The following EXOC4 variants were observed in gnomAD, a reference collection of about 807,000 sequenced individuals.
EXOC4 encodes the protein SEC8-like 1.
In EXOC4, 71 loss-of-function variants were observed where a neutral mutation model predicts 107.2. The ratio of observed to expected loss-of-function variants is 0.66; its 90% confidence interval spans 0.55 to 0.81. The LOEUF (loss-of-function observed/expected upper bound fraction) is 0.81, where lower values mean the gene tolerates loss of function less well. EXOC4 is among the 30% of genes least tolerant of loss of function. The probability of loss-of-function intolerance (pLI) is 0.00; values close to 1 mark genes in which losing one functional copy is unlikely to be tolerated. For missense variants in EXOC4, 1,108 were observed against 1,189.6 expected, an observed-to-expected ratio of 0.93 and a Z score of 1.01; for synonymous variants, 456 against 441.2, an observed-to-expected ratio of 1.03 and a Z score of -0.42.
rs545990281 is a variant in EXOC4 at position 133,717,079 on chromosome 7, T to A, written c.1514+86938T>A. ...GTTTTTCTTTCATAGTTACATTTTT[T>A]AAAAAAATTGGTATCCCGAATAGAT... On this transcript the variant is annotated intron_variant, in intron 10 of 17. Transcript: ENST00000253861. Among the ~76,000 whole-genome samples, 14 of 152,288 alleles carry A rather than the reference T, an allele frequency of 9.2e-5. No individual in the cohort carries two copies. The East Asian group carries it at 1.7e-3, about 19-fold the overall frequency.
At chr7:133,425,055 G>T (rs1466720063) in intron 7 of EXOC4, among the ~76,000 whole-genome samples, 1 of 151,968 alleles carries the variant, frequency 6.6e-6, no homozygotes, top group East Asian at 1.9e-4. Flanking sequence ...GGTACCCTAT[G>T]AGGGAAGGCA....
chr7:133,356,619 A>T, intron 6 of EXOC4, 46 bp downstream of exon 6: 1 of 1,603,416 alleles, frequency 6.2e-7, no homozygotes, highest in African/African-American at 1.3e-5. Flanking sequence ...TATTTATTGC[A>T]CATTTTCTAG....
chr7:133,922,937 C>A (rs1221726462), intron 13 of EXOC4, among the ~76,000 whole-genome samples: 2 of 150,182 alleles, frequency 1.3e-5, no homozygotes, highest in Non-Finnish European at 3.0e-5. Context: ...ATTCATCATT[C>A]TGCTGGGCTC....
chr7:133,737,652 TC>T, intron 10 of EXOC4, among the ~76,000 whole-genome samples: 1 of 152,248 alleles, frequency 6.6e-6, no homozygotes, highest in Middle Eastern at 3.4e-3. Context: ...GTATGTGACA[TC>T]CTGCGACCTT....
At chr7:133,762,678 A>G (rs1033062232) in intron 10 of EXOC4, among the ~76,000 whole-genome samples, 3 of 152,168 alleles carry the variant, frequency 2.0e-5, no homozygotes, top group South Asian at 2.1e-4. Flanking sequence ...TGCTGTATCC[A>G]TATTACGTAG....
rs182093400 is a variant in EXOC4 at position 133,713,692 on chromosome 7, C to T, written c.1514+83551C>T. Among the ~76,000 whole-genome samples, 21 of 152,116 alleles carry T rather than the reference C, an allele frequency of 1.4e-4. No homozygotes were observed. In the East Asian group the frequency reaches 2.5e-3, roughly 18 times the overall value. On this transcript the variant is annotated intron_variant, in intron 10 of 17. Coordinates refer to ENST00000253861, the MANE Select transcript of EXOC4 (RefSeq NM_021807.4). The stretch of plus-strand genomic sequence containing the variant: ...GGGGTGGTTTCCCCTATGCTGTTCT[C>T]GTGATAGTGAATGAGTTCTCATGAG...
intron 9 of EXOC4, among the ~76,000 whole-genome samples, chr7:133,600,052 T>C (rs1801771916): frequency 6.6e-6 from 1 of 151,740 alleles, no homozygotes; most frequent in African/African-American, 2.4e-5. Context: ...AGGTGGGTGC[T>C]ACTGTGCCTG....
chr7:133,942,883 A>G (rs1238465288), intron 14 of EXOC4, among the ~76,000 whole-genome samples: 1 of 152,202 alleles, frequency 6.6e-6, no homozygotes, highest in African/African-American at 2.4e-5. Context: ...CTTAGTTGCA[A>G]TAAAACATTT....
At chr7:133,701,997 CTTTT>C (rs71162021) in intron 10 of EXOC4, among the ~76,000 whole-genome samples, 1 of 66,608 alleles carries the variant, frequency 1.5e-5, no homozygotes, top group African/African-American at 5.4e-5. Context: ...TTCTTTCTTT[CTTTT>C]TTTTTTTTTT....
intron 7 of EXOC4, among the ~76,000 whole-genome samples, chr7:133,388,295 ACT>A (rs1009046716): frequency 1.8e-4 from 27 of 152,128 alleles, no homozygotes; most frequent in African/African-American, 5.8e-4. Flanking sequence ...TAGAAATCAT[ACT>A]GTTTTATCTA....
intron 7 of EXOC4, among the ~76,000 whole-genome samples, chr7:133,383,629 G>A (rs144691093): frequency 1.3e-5 from 2 of 152,256 alleles, no homozygotes; most frequent in East Asian, 3.9e-4. Context: ...GGATTTTCAA[G>A]GAGACAGATG....
At chr7:133,944,792 T>C (rs1800511262) in intron 14 of EXOC4, among the ~76,000 whole-genome samples, 1 of 152,186 alleles carries the variant, frequency 6.6e-6, no homozygotes, top group African/African-American at 2.4e-5. Flanking sequence ...GGAGCTGTTT[T>C]TTAATACCTT....
At chr7:133,496,698 T>TA (rs1799482983) in intron 9 of EXOC4, among the ~76,000 whole-genome samples, 1 of 152,188 alleles carries the variant, frequency 6.6e-6, no homozygotes, top group Non-Finnish European at 1.5e-5. Context: ...GCATGTTTCT[T>TA]ACTGATATTC....
chr7:133,967,555 G>A (rs756047016), intron 14 of EXOC4, among the ~76,000 whole-genome samples: 6 of 152,050 alleles, frequency 3.9e-5, no homozygotes, highest in African/African-American at 1.2e-4. Context: ...TTCAAAGAAC[G>A]TATTTATTTC....
chr7:134,005,188 A>C (rs1016713346), intron 16 of EXOC4, 98 bp downstream of exon 16: 47 of 1,280,832 alleles, frequency 3.7e-5, no homozygotes, highest in Non-Finnish European at 4.7e-5. Flanking sequence ...TGTAGAAAAG[A>C]GTTGTTTGCT....
At chr7:133,755,224 A>G (rs11972829) in intron 10 of EXOC4, among the ~76,000 whole-genome samples, 25 of 114,442 alleles carry the variant, frequency 2.2e-4, no homozygotes, top group East Asian at 7.3e-4. Context: ...GTGTGTGTGT[A>G]TATATATATA....
intron 10 of EXOC4, among the ~76,000 whole-genome samples, chr7:133,753,806 G>C (rs1436014481): frequency 6.6e-6 from 1 of 152,220 alleles, no homozygotes; most frequent in African/African-American, 2.4e-5. Flanking sequence ...GGAGCCTAAC[G>C]GCCTGTTTTA....
chr7:133,865,569 A>G (rs1798619794), intron 11 of EXOC4, among the ~76,000 whole-genome samples: 1 of 152,192 alleles, frequency 6.6e-6, no homozygotes, highest in African/African-American at 2.4e-5. Flanking sequence ...ATAAAGGACT[A>G]CCTAAGTCTA....
chr7:133,788,568 T>C (rs2551021), intron 10 of EXOC4, among the ~76,000 whole-genome samples: 1 of 152,074 alleles, frequency 6.6e-6, no homozygotes, highest in East Asian at 1.9e-4. Context: ...TCTTGGCTCA[T>C]TGCAACCTCC....
Sources: allele counts gnomAD v4.1 joint callset (sites outside exome capture counted in the v4.1 genomes callset), GRCh38; gene constraint gnomAD v4.1.1; transcripts MANE v1.5; gene names NCBI Gene and HGNC (gene_info 2026-07-23, HGNC 2026-07-21).